Variants in PVT1 observed in about 807,000 individuals in gnomAD.
PVT1 encodes Pvt1 oncogene, also known as CXCR4/PVT1 fusion.
At chr8:127,840,423 T>A (rs983381726) in intron 2 of PVT1, among the ~76,000 whole-genome samples, 10 of 152,236 alleles carry the variant, frequency 6.6e-5, no homozygotes, top group Admixed American at 6.5e-4. Context: ...AAAGAGGATA[T>A]TCTGGAACGT....
At chr8:127,819,445 C>T (rs987171355) in intron 2 of PVT1, among the ~76,000 whole-genome samples, 6 of 152,170 alleles carry the variant, frequency 3.9e-5, no homozygotes, top group Admixed American at 6.6e-5. Context: ...AGTAATTTCT[C>T]GTTGTACAAA....
In PVT1 at chr8:128,020,097, C is replaced by T. The variant is rs377045416; in HGVS notation, n.912+30806C>T. On this transcript the variant is annotated intron_variant and non_coding_transcript_variant, in intron 4 of 10. Transcript: ENST00000651587. The stretch of plus-strand genomic sequence containing the variant: ...TCCATGATGTTTAGAACCCAGGCCT[C>T]CTTCTGTGGCAGGGCTCTCTACCCC... Among the ~76,000 whole-genome samples, 9 of 152,258 alleles carry T rather than the reference C, an allele frequency of 5.9e-5. No homozygotes were observed. In the South Asian group the frequency reaches 1.4e-3, roughly 25 times the overall value.
chr8:128,024,466 A>G (rs1817471365), intron 4 of PVT1, among the ~76,000 whole-genome samples: 1 of 152,010 alleles, frequency 6.6e-6, no homozygotes, highest in Non-Finnish European at 1.5e-5. Flanking sequence ...CTACAAAAAA[A>G]ATAACGGAAA....
At chr8:127,879,730 T>A (rs1305538401) in intron 2 of PVT1, among the ~76,000 whole-genome samples, 2 of 152,190 alleles carry the variant, frequency 1.3e-5, no homozygotes. Context: ...ACACAACCAA[T>A]GCTCTCAGAA....
At chr8:128,004,149 G>A (rs557197035) in intron 4 of PVT1, among the ~76,000 whole-genome samples, 2 of 152,288 alleles carry the variant, frequency 1.3e-5, no homozygotes, top group South Asian at 2.1e-4. Context: ...TAGGGGTTGG[G>A]ACTTCAACAT....
At chr8:128,004,587 A>C (rs904419877) in intron 4 of PVT1, among the ~76,000 whole-genome samples, 1 of 152,210 alleles carries the variant, frequency 6.6e-6, no homozygotes, top group African/African-American at 2.4e-5. Context: ...TGTAGAGATG[A>C]AATGAGATAA....
chr8:127,933,837 A>G (rs1034651527), intron 3 of PVT1, among the ~76,000 whole-genome samples: 5 of 152,174 alleles, frequency 3.3e-5, no homozygotes, highest in Non-Finnish European at 7.4e-5. Flanking sequence ...CAACCTTAGG[A>G]AAGTTTGAAC....
intron 3 of PVT1, among the ~76,000 whole-genome samples, chr8:127,971,316 T>C (rs755734459): frequency 3.9e-5 from 6 of 152,228 alleles, no homozygotes; most frequent in Non-Finnish European, 7.3e-5. Flanking sequence ...GCCTGCACCC[T>C]GATCCCCTGC....
At chr8:127,969,072 A>G (rs992099566) in intron 3 of PVT1, among the ~76,000 whole-genome samples, 1 of 152,224 alleles carries the variant, frequency 6.6e-6, no homozygotes, top group East Asian at 1.9e-4. Context: ...AGAATCTAAT[A>G]CAGAAGGGAA....
At chr8:128,077,995 G>A (rs186240677) in intron 5 of PVT1, among the ~76,000 whole-genome samples, 21 of 152,324 alleles carry the variant, frequency 1.4e-4, no homozygotes, top group Admixed American at 7.2e-4. Context: ...GAGAGGGGTC[G>A]TGGGGATGGT....
At chr8:128,099,709 T>G (rs529468257) in intron 6 of PVT1, 15 of 152,368 alleles carry the variant, frequency 9.8e-5, no homozygotes, top group African/African-American at 3.6e-4. Flanking sequence ...AGCTCACATT[T>G]TGATGTAAAA....
chr8:127,950,695 G>T (rs1309817415), intron 3 of PVT1, among the ~76,000 whole-genome samples: 1 of 152,158 alleles, frequency 6.6e-6, no homozygotes, highest in Non-Finnish European at 1.5e-5. Flanking sequence ...TCACCCAAAA[G>T]GGCCTGGGCT....
chr8:128,067,343 G>A (rs934484748), intron 4 of PVT1, among the ~76,000 whole-genome samples: 2 of 152,042 alleles, frequency 1.3e-5, no homozygotes, highest in South Asian at 4.1e-4. Flanking sequence ...GAAAACTGAC[G>A]TGGAGTCATC....
Position 127,831,102 on chromosome 8 carries a change from CGTGT to C in PVT1, n.372+35040_372+35043del, listed in dbSNP as rs536737625. Among the ~76,000 whole-genome samples, 91 of 147,790 alleles carry C rather than the reference CGTGT, an allele frequency of 6.2e-4. 1 individual carries two copies. In the South Asian group the frequency reaches 0.019, roughly 31 times the overall value. ...GATAAAACTCCTCTTTATATACATACGTGTGTGTGTGTATGTATATATCTATATC... is the reference window on the plus strand; with the variant it reads ...GATAAAACTCCTCTTTATATACATACGTGTGTGTATGTATATATCTATATC... On this transcript the variant is annotated intron_variant and non_coding_transcript_variant, in intron 2 of 10. Transcript: ENST00000651587.
At chr8:127,860,352 G>C (rs1400094575) in intron 2 of PVT1, among the ~76,000 whole-genome samples, 1 of 152,206 alleles carries the variant, frequency 6.6e-6, no homozygotes, top group Non-Finnish European at 1.5e-5. Context: ...GCAAGCACAG[G>C]GCTGAGCACT....
chr8:127,857,093 G>A (rs748588008), intron 2 of PVT1, among the ~76,000 whole-genome samples: 2 of 152,132 alleles, frequency 1.3e-5, no homozygotes, highest in Admixed American at 6.5e-5. Context: ...GAGCGTGGTG[G>A]CAGGCACCTG....
chr8:128,026,047 G>T (rs949361945), intron 4 of PVT1, among the ~76,000 whole-genome samples: 1 of 152,038 alleles, frequency 6.6e-6, no homozygotes, highest in African/African-American at 2.4e-5. Context: ...CGCCTCCAGG[G>T]TTCAAGTGAT....
intron 2 of PVT1, among the ~76,000 whole-genome samples, chr8:127,875,575 C>A (rs146167532): frequency 5.1e-4 from 77 of 152,210 alleles, no homozygotes; most frequent in African/African-American, 1.7e-3. Flanking sequence ...GTTTTCTTTT[C>A]CATTTCCTTC....
intron 2 of PVT1, among the ~76,000 whole-genome samples, chr8:127,813,332 A>T (rs7815615): frequency 6.6e-6 from 1 of 150,424 alleles, no homozygotes; most frequent in African/African-American, 2.4e-5. Context: ...GGAGCAGTTT[A>T]ATCCCAGGAT....
Sources: allele counts gnomAD v4.1 joint callset (sites outside exome capture counted in the v4.1 genomes callset), GRCh38; gene constraint gnomAD v4.1.1; transcripts MANE v1.5; gene names NCBI Gene and HGNC (gene_info 2026-07-23, HGNC 2026-07-21).